SUGT1: variants seen among roughly 807,000 people sequenced by gnomAD.
The protein encoded by SUGT1 is SGT1 assembly cochaperone of MIS12 kinetochore complex.
SUGT1 carries 15 observed loss-of-function variants against 56.1 expected under a neutral mutation model. That is an observed-to-expected ratio of 0.27 (90% CI 0.18 to 0.41). The LOEUF is 0.41. Ranked by LOEUF, SUGT1 falls within the 10% of genes least tolerant of loss-of-function variation. The pLI is 1.00. For missense variants in SUGT1, 347 were observed against 382.2 expected (o/e 0.91, Z 0.77); for synonymous variants, 123 against 128.6 (o/e 0.96, Z 0.30).
At chr13:52,676,069 CAA>C (rs1594248164) in intron 10 of SUGT1, among the ~76,000 whole-genome samples, 159 bp from the exon 11 acceptor site, 1 of 151,912 alleles carries the variant, frequency 6.6e-6, no homozygotes, top group African/African-American at 2.4e-5. Flanking sequence ...AGTGTAGAAA[CAA>C]AATTGTTTCA....
rs1011752003 is a variant in SUGT1, at chr13:52,652,853, T to A, written c.-68T>A. ...TGGTGTTTCTCCAGAAGTTTCCCCC[T>A]TGGGCGGTGGTGGAGGTGGTAACCG... On this transcript the variant is annotated 5_prime_UTR_variant, in exon 1 of 13. It adds an upstream start codon to the 5' untranslated region. Coordinates refer to ENST00000310528, the MANE Select transcript of SUGT1 (RefSeq NM_006704.5). The A allele has an allele frequency of 2.0e-5, 31 of 1,579,054 alleles. No homozygotes were observed. Among genetic ancestry groups the A allele is most frequent in the South Asian group, 1.5e-4 (13 of 87,964 alleles).
intron 8 of SUGT1, among the ~76,000 whole-genome samples, chr13:52,665,064 T>C (rs951678355): frequency 1.2e-4 from 18 of 152,148 alleles, no homozygotes; most frequent in African/African-American, 4.3e-4. Context: ...AGGAAAGTGT[T>C]GTATATGATG....
intron 10 of SUGT1, among the ~76,000 whole-genome samples, chr13:52,667,168 A>G (rs1311315062): frequency 1.3e-5 from 2 of 152,212 alleles, no homozygotes; most frequent in African/African-American, 2.4e-5. Flanking sequence ...ATGTTTTTCA[A>G]TAAAGGGGTT....
chr13:52,663,594 A>G (rs896962724), intron 7 of SUGT1, among the ~76,000 whole-genome samples: 2 of 152,186 alleles, frequency 1.3e-5, no homozygotes, highest in African/African-American at 2.4e-5. Context: ...TCAGCCTTCC[A>G]AGTAGCTGGG....
Position 52,663,265 on chromosome 13 carries a change from A to AT in SUGT1, c.399+159dup, listed in dbSNP as rs936345070. On this transcript the variant is annotated intron_variant, in intron 7 of 12. Transcript: ENST00000310528. The stretch of plus-strand genomic sequence containing the variant: ...TTCCTCTAGGCACTGAAATAAAATC[A>AT]TTTTTTGATAAATATAGAAGTTTCC... Among the ~76,000 whole-genome samples the AT allele has an allele frequency of 3.0e-4, 46 of 152,300 alleles. 2 individuals are homozygous for AT. The highest frequency in any genetic ancestry group is 2.7e-3 in the Admixed American group (42 of 15,280).
In SUGT1 at chr13:52,699,582, T is replaced by C. The variant is rs1027731919; in HGVS notation, c.*11747T>C. 3 of 152,186 alleles carry C rather than the reference T, an allele frequency of 2.0e-5. No homozygotes were observed. The highest frequency in any genetic ancestry group is 2.9e-5 in the Non-Finnish European group (2 of 68,034). 9.4% of individuals were successfully genotyped at this position (152,186 alleles called of 1,614,324 possible). ...ATTTTTTGGAGTTACCTCAGTAACTTAACAGGCAGGAATATGGTTTTAATG... is the reference window on the plus strand; with the variant it reads ...ATTTTTTGGAGTTACCTCAGTAACTCAACAGGCAGGAATATGGTTTTAATG... On this transcript the variant is annotated 3_prime_UTR_variant, in exon 13 of 13. Transcript: ENST00000310528.
Position 52,678,116 on chromosome 13 carries a change from C to T in SUGT1, c.718+1796C>T, listed in dbSNP as rs572597830. 2.7e-4 allele frequency among the ~76,000 whole-genome samples: 41 copies of T among 152,266 alleles called. No homozygotes were observed. The South Asian group carries it at 5.6e-3, about 21-fold the overall frequency. ...GATTAAAACCTCTGTTCTCATCCTT[C>T]CTGGGAGTCAGCATTAGGATTAATT... On this transcript the variant is annotated intron_variant, in intron 11 of 12. Transcript: ENST00000310528.
chr13:52,700,315 A>G lies in SUGT1; in HGVS notation c.*12480A>G, dbSNP rs1263112092. 3 of 152,168 alleles carry G rather than the reference A, an allele frequency of 2.0e-5. No individual in the cohort carries two copies. Among genetic ancestry groups the G allele is most frequent in the Admixed American group, 6.6e-5 (1 of 15,252 alleles). The allele number at this position is 152,168 out of a possible 1,614,324, so 9.4% of individuals were successfully genotyped here. The stretch of plus-strand genomic sequence containing the variant: ...TAGAAAATAGCCTCAGCTATTTGCT[A>G]TGTTTATATTATACCTGCATAAAAG... On this transcript the variant is annotated 3_prime_UTR_variant, in exon 13 of 13. Transcript: ENST00000310528.
At chr13:52,662,284 A>AC (rs1962492246) in intron 5 of SUGT1, among the ~76,000 whole-genome samples, 1 of 151,984 alleles carries the variant, frequency 6.6e-6, no homozygotes, top group Non-Finnish European at 1.5e-5. Context: ...CCTCCTCCCC[A>AC]CCCTAACTGA....
In SUGT1 at chr13:52,662,841, G is replaced by C. The variant is rs565229305; in HGVS notation, c.382+139G>C. 5.5e-6 allele frequency: 5 copies of C among 913,686 alleles called. No homozygotes were observed. In the African/African-American group the frequency reaches 8.4e-5, roughly 15 times the overall value. 56.6% of individuals were successfully genotyped at this position (913,686 alleles called of 1,614,324 possible). A position where few individuals can be genotyped will look rare whatever the true frequency, so the allele number is the denominator to read the frequency against. On this transcript the variant is annotated intron_variant, in intron 6 of 12. Transcript: ENST00000310528. The stretch of plus-strand genomic sequence containing the variant: ...GTTTCCTTAGATGTGGACTTCCAAA[G>C]ATACACTGGTTTTTGCATAGCTTCT...
Position 52,663,634 on chromosome 13 carries a change from A to G in SUGT1, c.400-401A>G, listed in dbSNP as rs570191214. Among the ~76,000 whole-genome samples, 4 of 152,300 alleles carry G rather than the reference A, an allele frequency of 2.6e-5. No homozygotes were observed. In the East Asian group the frequency reaches 7.7e-4, roughly 29 times the overall value. On this transcript the variant is annotated intron_variant, in intron 7 of 12. Transcript: ENST00000310528. ...CAGATGTACACCACCAAGCCTGGCT[A>G]ATTACTCTGTTTCTTTAAAACGATT...
chr13:52,658,421 G>A lies in SUGT1; in HGVS notation c.210G>A (p.Lys70=), dbSNP rs779244040. Residue 70 remains lysine (K), a synonymous_variant, in exon 4 of 13, where the codon AAG becomes AAA. Transcript: ENST00000310528. ...CAGTTGCTGTTGCTGATGCAAAGAA[G>A]TCTCTAGAACTCAATCCAAATAATT... ...NYCVAVADAK[K]SLELNPNNST... 5 of 1,612,856 alleles carry A rather than the reference G, an allele frequency of 3.1e-6. No homozygotes were observed. The East Asian group carries it at 1.1e-4, about 36-fold the overall frequency.
rs1963660550 is a variant in SUGT1, at chr13:52,687,942, T to C, written c.*107T>C. On this transcript the variant is annotated 3_prime_UTR_variant, in exon 13 of 13. Coordinates refer to ENST00000310528, the MANE Select transcript of SUGT1 (RefSeq NM_006704.5). ...CACTGAATATCTTTTTGAAAGATTA[T>C]ACTTCTTTACCTCTTTGTGCTTTAG... 5 of 630,826 alleles carry C rather than the reference T, an allele frequency of 7.9e-6. No homozygotes were observed. Among genetic ancestry groups the C allele is most frequent in the Non-Finnish European group, 1.3e-5 (5 of 398,400 alleles). The allele number at this position is 630,826 out of a possible 1,614,324, so 39.1% of individuals were successfully genotyped here.
chr13:52,671,113 G>A (rs533863532), intron 10 of SUGT1, among the ~76,000 whole-genome samples: 1 of 151,728 alleles, frequency 6.6e-6, no homozygotes, highest in Admixed American at 6.6e-5. Context: ...GGGTATCTGG[G>A]CATGATGCTT....
rs147316506 is a variant in SUGT1, at chr13:52,665,406, A to G, written c.423-231A>G. On this transcript the variant is annotated intron_variant, in intron 8 of 12. Coordinates refer to ENST00000310528, the MANE Select transcript of SUGT1 (RefSeq NM_006704.5). ...GAGTCAGAACCCAGAAAATCATGCA[A>G]GTATTTAAGTCTACTGGAAAGGTGT... 1.1e-3 allele frequency among the ~76,000 whole-genome samples: 165 copies of G among 152,316 alleles called. 2 individuals carry two copies. In the East Asian group the frequency reaches 0.028, roughly 26 times the overall value.
intron 12 of SUGT1, among the ~76,000 whole-genome samples, chr13:52,682,400 C>T (rs1256576213): frequency 1.3e-5 from 2 of 151,940 alleles, no homozygotes; most frequent in Non-Finnish European, 2.9e-5. Flanking sequence ...GGGGTGTCTC[C>T]GTATTGCTTA....
In SUGT1 at chr13:52,689,004, C is replaced by G. The variant is rs917128145; in HGVS notation, c.*1169C>G. On this transcript the variant is annotated 3_prime_UTR_variant, in exon 13 of 13. Transcript: ENST00000310528. Reference sequence around the variant, plus strand: ...CAACTGTAATACCCCAGATGTTGGTCTCAGCTCTGTTAGGTGTCACTAACA... The same window carrying G: ...CAACTGTAATACCCCAGATGTTGGTGTCAGCTCTGTTAGGTGTCACTAACA... 3 of 152,276 alleles carry G rather than the reference C, an allele frequency of 2.0e-5. No individual in the cohort carries two copies. Among genetic ancestry groups the G allele is most frequent in the East Asian group, 3.9e-4 (2 of 5,174 alleles). The allele number at this position is 152,276 out of a possible 1,614,324, so 9.4% of individuals were successfully genotyped here. A position where few individuals can be genotyped will look rare whatever the true frequency, so the allele number is the denominator to read the frequency against.
At chr13:52,684,527 T>C (rs1963500951) in intron 12 of SUGT1, among the ~76,000 whole-genome samples, 1 of 151,824 alleles carries the variant, frequency 6.6e-6, no homozygotes, top group African/African-American at 2.4e-5. Context: ...CATTTGTCTA[T>C]TATCTATTTC....
chr13:52,657,604 C>T lies in SUGT1; in HGVS notation c.169C>T (p.Leu57Phe), dbSNP rs1336757729. ...TTGTCAAAGAGCTTATTGTCACATT[C>T]TTCTTGGGAATTACTGTGGTAACGT... is the stretch of plus-strand genomic sequence containing the variant. ...YYCQRAYCHI[L>F]LGNYCVAVAD... Residue 57 changes from leucine to phenylalanine, a missense_variant, in exon 3 of 13, where the codon CTT (leucine) becomes TTT (phenylalanine). Leu to Phe is a conservative substitution (Grantham distance 22). Transcript: ENST00000310528. 6.2e-7 allele frequency: 1 copy of T among 1,613,346 alleles called. No individual in the cohort carries two copies. Among genetic ancestry groups the T allele is most frequent in the Non-Finnish European group, 8.5e-7 (1 of 1,179,654 alleles).
Sources: allele counts gnomAD v4.1 joint callset (sites outside exome capture counted in the v4.1 genomes callset), GRCh38; gene constraint gnomAD v4.1.1; transcripts MANE v1.5; gene names NCBI Gene and HGNC (gene_info 2026-07-23, HGNC 2026-07-21).